USP50: variants seen among roughly 807,000 people sequenced by gnomAD.
USP50 encodes ubiquitin carboxyl-terminal hydrolase 50.
USP50 carries 37 observed loss-of-function variants against 39.2 expected under a neutral mutation model. The ratio of observed to expected loss-of-function variants is 0.94; its 90% CI spans 0.73 to 1.24. The LOEUF is 1.24. USP50 is among the 50% of genes most tolerant of loss of function. USP50 has a pLI of 0.00. For synonymous variants in USP50, 139 were observed against 144.5 expected (o/e 0.96, Z 0.27); for missense variants, 374 against 398.2 (o/e 0.94, Z 0.52).
chr15:50,502,054 A>G (rs899156191), intron 6 of USP50: 1 of 152,206 alleles, frequency 6.6e-6, no homozygotes, highest in Non-Finnish European at 1.5e-5. Context: ...TTGGCCTTTA[A>G]CAGAATAAGT....
intron 6 of USP50, 89 bp from the exon 7 acceptor site, chr15:50,500,926 A>C (rs2052573961): frequency 9.2e-7 from 1 of 1,088,054 alleles, no homozygotes; most frequent in Non-Finnish European, 1.4e-6. Context: ...ATGCTTTTTA[A>C]ATTGTCCCTT....
At chr15:50,501,065 A>C (rs1320529468) in intron 6 of USP50, 4 of 470,292 alleles carry the variant, frequency 8.5e-6, no homozygotes, top group African/African-American at 2.0e-5. Context: ...TGAATAAAGA[A>C]AGACAATATT....
intron 6 of USP50, among the ~76,000 whole-genome samples, chr15:50,525,658 ATATATG>A (rs200132319): frequency 0.39 from 39,959 of 101,814 alleles, 8,296 homozygotes; most frequent in East Asian, 0.57. Context: ...ATGTATATGT[ATATATG>A]TATATGTATA....
chr15:50,545,343 T>C (rs1008318425), intron 1 of USP50, among the ~76,000 whole-genome samples: 3 of 151,980 alleles, frequency 2.0e-5, no homozygotes. Flanking sequence ...GCAGGAACGA[T>C]TATTTTTACA....
intron 6 of USP50, among the ~76,000 whole-genome samples, chr15:50,519,116 A>G (rs1252375036): frequency 2.0e-5 from 3 of 151,866 alleles, no homozygotes; most frequent in Admixed American, 6.6e-5. Flanking sequence ...GTGAAATCTC[A>G]TCTCTGCTAA....
intron 5 of USP50, chr15:50,532,172 C>T (rs1183761138): frequency 2.2e-6 from 1 of 456,144 alleles, no homozygotes; most frequent in African/African-American, 2.0e-5. Context: ...AATTTTCCTT[C>T]CAGGAGCCCA....
intron 6 of USP50, among the ~76,000 whole-genome samples, chr15:50,521,971 A>T (rs1596012167): frequency 6.6e-6 from 1 of 152,180 alleles, no homozygotes; most frequent in African/African-American, 2.4e-5. Flanking sequence ...CTCAAAAAAC[A>T]GCAGAAACAA....
chr15:50,541,399 G>C lies in USP50; in HGVS notation c.445-135C>G, dbSNP rs570995329. 129 of 687,722 alleles carry C rather than the reference G, an allele frequency of 1.9e-4. 1 individual carries two copies. In the African/African-American group the frequency reaches 2.2e-3, roughly 12 times the overall value. 42.6% of individuals were successfully genotyped at this position (687,722 alleles called of 1,614,324 possible). ...ATGGTGGCACACATCTGTGGTGCCAGCTACTTGGGAGGTTGAGGTTGGAGG... is the reference window on the plus strand; with the variant it reads ...ATGGTGGCACACATCTGTGGTGCCACCTACTTGGGAGGTTGAGGTTGGAGG... On this transcript the variant is annotated intron_variant, in intron 3 of 6. Transcript: ENST00000532404.
chr15:50,511,864 G>A (rs2052742227), intron 6 of USP50: 1 of 152,154 alleles, frequency 6.6e-6, no homozygotes. Flanking sequence ...GGGGCATGGT[G>A]GTGCACACCT....
downstream of USP50, chr15:50,497,340 C>T (rs1210420605): frequency 6.7e-6 from 9 of 1,341,190 alleles, no homozygotes; most frequent in South Asian, 5.0e-5. Flanking sequence ...TAACAAAGGG[C>T]GATTATCTGG....
At chr15:50,530,057 AC>A in intron 5 of USP50, 128 bp from the exon 6 acceptor site, 1 of 1,364,666 alleles carries the variant, frequency 7.3e-7, no homozygotes, top group Non-Finnish European at 1.0e-6. Context: ...CTGTAATCCC[AC>A]AACTTTGGGA....
chr15:50,528,021 AC>A lies in USP50; in HGVS notation c.936+1775del, dbSNP rs2052911826. On this transcript the variant is annotated intron_variant, in intron 6 of 6. Transcript: ENST00000532404. ...AGTTCTCTTTCGAAACCAACTTTTG[AC>A]CCCTTAATTAACCAATAATAGTTTG... Among the ~76,000 whole-genome samples the A allele has an allele frequency of 3.3e-5, 5 of 149,556 alleles. No homozygotes were observed. The South Asian group carries it at 1.0e-3, about 31-fold the overall frequency.
rs192523073 is a variant in USP50 at position 50,539,192 on chromosome 15, C to T, written c.661-341G>A. On this transcript the variant is annotated intron_variant, in intron 4 of 6. Coordinates refer to ENST00000532404, the MANE Select transcript of USP50 (RefSeq NM_203494.5). Reference sequence around the variant, plus strand: ...TGGCATGATCTCGGCTCACTGCAACCTCCACCTCCCAGTTCAAGTGATTCT... The same window carrying T: ...TGGCATGATCTCGGCTCACTGCAACTTCCACCTCCCAGTTCAAGTGATTCT... Among the ~76,000 whole-genome samples the T allele has an allele frequency of 1.9e-4, 29 of 151,128 alleles. No individual in the cohort carries two copies. The East Asian group carries it at 4.5e-3, about 23-fold the overall frequency.
intron 4 of USP50, among the ~76,000 whole-genome samples, chr15:50,540,345 A>C (rs2053018083): frequency 6.6e-6 from 1 of 152,166 alleles, no homozygotes; most frequent in South Asian, 2.1e-4. Context: ...ATAAGAGCTC[A>C]AGTCTAAGAG....
intron 6 of USP50, among the ~76,000 whole-genome samples, chr15:50,525,862 T>C (rs1226070940): frequency 6.6e-6 from 1 of 151,508 alleles, no homozygotes; most frequent in Non-Finnish European, 1.5e-5. Context: ...AAAGATAACA[T>C]TGAAGAGAAA....
chr15:50,516,755 A>C (rs1596009793), intron 6 of USP50, among the ~76,000 whole-genome samples: 1 of 34,552 alleles, frequency 2.9e-5, no homozygotes, highest in African/African-American at 1.9e-4. Flanking sequence ...GTAGCTATAT[A>C]TATATATATA....
chr15:50,525,586 G>GTATATGTA (rs1156722636), intron 6 of USP50, among the ~76,000 whole-genome samples: 17,036 of 125,224 alleles, frequency 0.14, 1,524 homozygotes, highest in Admixed American at 0.2. Flanking sequence ...ATGTATATAT[G>GTATATGTA]TATATGTATA....
intron 6 of USP50, among the ~76,000 whole-genome samples, chr15:50,516,968 T>C (rs1295198315): frequency 6.6e-6 from 1 of 152,112 alleles, no homozygotes; most frequent in African/African-American, 2.4e-5. Flanking sequence ...GCAGTAACAG[T>C]AGGAGACTTC....
At chr15:50,510,657 G>A (rs1483034352) in intron 6 of USP50, 3 of 152,134 alleles carry the variant, frequency 2.0e-5, no homozygotes, top group African/African-American at 4.8e-5. Flanking sequence ...TTAGATATAC[G>A]TGTGTATAGA....
Sources: gnomAD v4.1 joint callset for allele counts (sites outside exome capture counted in the v4.1 genomes callset) on GRCh38, gnomAD v4.1.1 for gene constraint, MANE v1.5 for transcripts, NCBI Gene and HGNC (gene_info 2026-07-23, HGNC 2026-07-21) for gene names.